The following GLG1 variants were observed in gnomAD, a reference collection of about 807,000 sequenced individuals.
GLG1 encodes the protein golgi glycoprotein 1, also known as Golgi apparatus protein 1.
A neutral mutation model predicts 160.5 loss-of-function variants in GLG1; 38 were observed. That is an observed-to-expected ratio of 0.24 (90% CI 0.18 to 0.31). GLG1 has a LOEUF of 0.31. Among genes scored for constraint, GLG1 ranks in the 10% least tolerant of loss-of-function variants. The probability of loss-of-function intolerance (pLI) is 1.00; values close to 1 mark genes in which losing one functional copy is unlikely to be tolerated. For missense variants in GLG1, 1,373 were observed against 1,505.2 expected (o/e 0.91, Z 1.45); for synonymous variants, 644 against 543.4 (o/e 1.19, Z -2.57).
chr16:74,456,985 G>T (rs2014572666), intron 24 of GLG1, among the ~76,000 whole-genome samples: 1 of 152,230 alleles, frequency 6.6e-6, no homozygotes, highest in Non-Finnish European at 1.5e-5. Flanking sequence ...TATTTTTAGA[G>T]CCAGGTGTGG....
intron 1 of GLG1, among the ~76,000 whole-genome samples, chr16:74,605,699 G>C (rs557535135): frequency 6.6e-6 from 1 of 152,046 alleles, no homozygotes; most frequent in East Asian, 1.9e-4. Flanking sequence ...ACAAGCAAGT[G>C]GTCTTGCTAT....
intron 1 of GLG1, among the ~76,000 whole-genome samples, chr16:74,591,115 G>C (rs939772254): frequency 2.7e-5 from 4 of 150,584 alleles, no homozygotes; most frequent in South Asian, 2.1e-4. Flanking sequence ...GGCGGATCAC[G>C]AGGTCAGGAG....
chr16:74,561,869 C>A (rs904017960), intron 1 of GLG1, among the ~76,000 whole-genome samples: 1 of 152,132 alleles, frequency 6.6e-6, no homozygotes, highest in Non-Finnish European at 1.5e-5. Context: ...AGAAAATGAT[C>A]CAAATAGAAA....
chr16:74,478,731 G>A (rs1048503894), intron 11 of GLG1, among the ~76,000 whole-genome samples: 17 of 151,582 alleles, frequency 1.1e-4, no homozygotes, highest in Non-Finnish European at 1.5e-5. Context: ...GACCAATATG[G>A]AGAAACCCCA....
chr16:74,473,749 T>A (rs1411928659), intron 13 of GLG1, among the ~76,000 whole-genome samples: 1 of 152,058 alleles, frequency 6.6e-6, no homozygotes, highest in Non-Finnish European at 1.5e-5. Context: ...TCTAATCCCA[T>A]TTTTAAAATA....
At chr16:74,584,656 C>T (rs1372465060) in intron 1 of GLG1, among the ~76,000 whole-genome samples, 1 of 152,092 alleles carries the variant, frequency 6.6e-6, no homozygotes, top group Non-Finnish European at 1.5e-5. Flanking sequence ...CGGTGGCTCA[C>T]ACCTGTAATC....
At chr16:74,453,519 C>T (rs1457841774) in intron 25 of GLG1, among the ~76,000 whole-genome samples, 185 bp from the exon 26 acceptor site, 2 of 152,224 alleles carry the variant, frequency 1.3e-5, no homozygotes, top group South Asian at 4.1e-4. Flanking sequence ...ACTATACACA[C>T]GTCTACTGCA....
In GLG1 at chr16:74,458,065, C is replaced by T. The variant is rs944277396; in HGVS notation, c.3145-71G>A. 9.8e-6 allele frequency: 14 copies of T among 1,430,280 alleles called. No homozygotes were observed. The East Asian group carries it at 1.4e-4, about 14-fold the overall frequency. 88.6% of individuals were successfully genotyped at this position (1,430,280 alleles called of 1,614,324 possible). On this transcript the variant is annotated intron_variant, in intron 23 of 25. Transcript: ENST00000422840. ...GCATCAGATCTGTTGTCTGTAAATA[C>T]TTCATATACTAATAAAAAAGGGGGG...
At chr16:74,470,135 G>A in intron 15 of GLG1, 62 bp from the exon 16 acceptor site, 1 of 990,806 alleles carries the variant, frequency 1.0e-6, no homozygotes, top group Non-Finnish European at 1.6e-6. Context: ...GTAGTGGTAG[G>A]GCGCACTTTT....
intron 25 of GLG1, among the ~76,000 whole-genome samples, chr16:74,455,886 C>T (rs1053764655): frequency 3.3e-5 from 5 of 152,160 alleles, no homozygotes; most frequent in Non-Finnish European, 5.9e-5. Flanking sequence ...AATACGTCCA[C>T]CAAAGCGTTA....
At chr16:74,499,019 G>C (rs114617853) in intron 4 of GLG1, among the ~76,000 whole-genome samples, 1,775 of 151,992 alleles carry the variant, frequency 0.012, 34 homozygotes, top group African/African-American at 0.041. Context: ...TTCCATGAAA[G>C]CTTTCGTGTT....
intron 11 of GLG1, among the ~76,000 whole-genome samples, chr16:74,477,851 T>G (rs2015442578): frequency 6.6e-6 from 1 of 151,980 alleles, no homozygotes; most frequent in Non-Finnish European, 1.5e-5. Context: ...CACATGCCTG[T>G]AATCCTAGCT....
At chr16:74,508,807 T>A (rs2016703223) in intron 3 of GLG1, 32 bp downstream of exon 3, 4 of 869,738 alleles carry the variant, frequency 4.6e-6, no homozygotes, top group African/African-American at 1.6e-5. Flanking sequence ...CTCTAAGCCA[T>A]TAGTTGTCTA....
chr16:74,547,164 G>A (rs1314753541), intron 1 of GLG1, among the ~76,000 whole-genome samples: 2 of 151,310 alleles, frequency 1.3e-5, no homozygotes, highest in Non-Finnish European at 2.9e-5. Flanking sequence ...CCTCCAAGGG[G>A]GATGTAGAGG....
At chr16:74,501,838 G>A (rs542789947) in intron 4 of GLG1, among the ~76,000 whole-genome samples, 2 of 152,200 alleles carry the variant, frequency 1.3e-5, no homozygotes, top group South Asian at 4.1e-4. Flanking sequence ...AGTCTGCTGG[G>A]AAGGAAAACA....
chr16:74,451,263 T>C lies in GLG1; in HGVS notation c.*1904A>G, dbSNP rs1023006556. ...GAGACTGAAGCATCCCAGACAGCTGTTGACAATCAGGAAGACCCTACAAGC... is the reference window on the plus strand; with the variant it reads ...GAGACTGAAGCATCCCAGACAGCTGCTGACAATCAGGAAGACCCTACAAGC... On this transcript the variant is annotated 3_prime_UTR_variant, in exon 26 of 26. Coordinates refer to ENST00000422840, the MANE Select transcript of GLG1 (RefSeq NM_001145667.2). The C allele has an allele frequency of 2.0e-5, 3 of 152,130 alleles. No individual in the cohort carries two copies. Among genetic ancestry groups the C allele is most frequent in the South Asian group, 2.1e-4 (1 of 4,814 alleles). The allele number at this position is 152,130 out of a possible 1,614,324, so 9.4% of individuals were successfully genotyped here. A position where few individuals can be genotyped will look rare whatever the true frequency, so the allele number is the denominator to read the frequency against.
rs372575579 is a variant in GLG1, at chr16:74,570,771, A to G, written c.438+35886T>C. Among the ~76,000 whole-genome samples, 28 of 152,302 alleles carry G rather than the reference A, an allele frequency of 1.8e-4. No individual in the cohort carries two copies. In the East Asian group the frequency reaches 4.6e-3, roughly 25 times the overall value. On this transcript the variant is annotated intron_variant, in intron 1 of 25. Transcript: ENST00000422840. ...GGTGTGGTGGCACACGCCTACAGAC[A>G]CAGCCACTTGGAAGGCTGAAGTGGG...
chr16:74,582,109 A>G (rs1018486310), intron 1 of GLG1, among the ~76,000 whole-genome samples: 1 of 152,108 alleles, frequency 6.6e-6, no homozygotes, highest in African/African-American at 2.4e-5. Context: ...TTTCCTAGAT[A>G]GTAAGATTGG....
intron 2 of GLG1, among the ~76,000 whole-genome samples, chr16:74,520,930 G>A (rs892361863): frequency 7.2e-5 from 11 of 152,120 alleles, no homozygotes; most frequent in African/African-American, 2.4e-4. Flanking sequence ...CAGCCTTCAA[G>A]GAGTTTACAT....
Sources: allele counts gnomAD v4.1 joint callset (sites outside exome capture counted in the v4.1 genomes callset), GRCh38; gene constraint gnomAD v4.1.1; transcripts MANE v1.5; gene names NCBI Gene and HGNC (gene_info 2026-07-23, HGNC 2026-07-21).